CHODL: variants seen among roughly 807,000 people sequenced by gnomAD.
CHODL encodes transmembrane protein MT75.
A neutral mutation model predicts 34.5 loss-of-function variants in CHODL; 29 were observed. The ratio of observed to expected loss-of-function variants is 0.84; its 90% CI spans 0.63 to 1.15. The LOEUF (loss-of-function observed/expected upper bound fraction) is 1.15. Ranked by LOEUF, CHODL falls within the 50% of genes most tolerant of loss-of-function variation. CHODL has a pLI of 0.00. For synonymous variants in CHODL, 125 were observed against 116.1 expected, an observed-to-expected ratio of 1.08 and a Z score of -0.49; for missense variants, 332 against 332.5, an observed-to-expected ratio of 1.00 and a Z score of 0.01.
intron 2 of CHODL, among the ~76,000 whole-genome samples, chr21:18,166,751 G>A (rs766576742): frequency 2.0e-5 from 3 of 151,784 alleles, no homozygotes; most frequent in Non-Finnish European, 4.4e-5. Context: ...GAATTCTTTT[G>A]TACTATAATT....
At chr21:17,982,656 C>T (rs2063722838) in intron 1 of CHODL, among the ~76,000 whole-genome samples, 1 of 145,962 alleles carries the variant, frequency 6.9e-6, no homozygotes, top group African/African-American at 2.5e-5. Context: ...TTAGTATTTA[C>T]AGATAAAGCA....
At chr21:18,249,925 T>C (rs1601202876) in intron 1 of CHODL, among the ~76,000 whole-genome samples, 1 of 152,264 alleles carries the variant, frequency 6.6e-6, no homozygotes, top group East Asian at 1.9e-4. Context: ...CCAGTGCCTG[T>C]AGCTCAAGCT....
intron 2 of CHODL, 62 bp downstream of exon 2, chr21:18,256,880 C>A: frequency 6.3e-7 from 1 of 1,582,860 alleles, no homozygotes; most frequent in Admixed American, 1.7e-5. Flanking sequence ...AGAGGGAGGA[C>A]TCTGTTACCT....
chr21:18,088,201 G>A (rs757310747), intron 2 of CHODL, among the ~76,000 whole-genome samples: 1 of 152,164 alleles, frequency 6.6e-6, no homozygotes, highest in African/African-American at 2.4e-5. Context: ...ACCGGAGAGG[G>A]TGAGGTCTCT....
At chr21:18,223,114 A>G (rs1349336302) in intron 2 of CHODL, among the ~76,000 whole-genome samples, 1 of 152,236 alleles carries the variant, frequency 6.6e-6, no homozygotes, top group Non-Finnish European at 1.5e-5. Context: ...GGAGGTATGT[A>G]ATAACATAAG....
intron 2 of CHODL, among the ~76,000 whole-genome samples, chr21:18,034,876 C>A (rs1388203550): frequency 6.6e-6 from 1 of 151,924 alleles, no homozygotes; most frequent in Non-Finnish European, 1.5e-5. Flanking sequence ...GAGAGAAAGC[C>A]TCAGGCTCGC....
chr21:18,083,659 G>A (rs1035131884), intron 2 of CHODL, among the ~76,000 whole-genome samples: 4 of 152,184 alleles, frequency 2.6e-5, no homozygotes, highest in African/African-American at 9.7e-5. Flanking sequence ...TGGAGTCCAA[G>A]GAGATTATTC....
In CHODL at chr21:18,191,962, G is replaced by GA. The variant is rs1241168727; in HGVS notation, c.-44-64543dup. On this transcript the variant is annotated intron_variant, in intron 2 of 6. Transcript: ENST00000400127. ...TGAGTGTTTAAAAAAGGAAACTTGT[G>GA]AAAATCATGTTGCAAATGAAAGTCT... is the stretch of plus-strand genomic sequence containing the variant. Among the ~76,000 whole-genome samples, 14 of 152,280 alleles carry GA rather than the reference G, an allele frequency of 9.2e-5. No homozygotes were observed. The East Asian group carries it at 2.3e-3, about 25-fold the overall frequency.
chr21:17,994,315 C>T (rs1464583223), intron 1 of CHODL, among the ~76,000 whole-genome samples: 1 of 152,168 alleles, frequency 6.6e-6, no homozygotes, highest in African/African-American at 2.4e-5. Flanking sequence ...TGGGCTGCTA[C>T]TTAGGCCTTC....
At chr21:18,046,390 A>C (rs900324187) in intron 2 of CHODL, among the ~76,000 whole-genome samples, 24 of 151,952 alleles carry the variant, frequency 1.6e-4, no homozygotes, top group Admixed American at 1.4e-3. Context: ...CAACTGAGAG[A>C]TGATGGTGGC....
intron 1 of CHODL, among the ~76,000 whole-genome samples, chr21:17,965,274 A>G (rs183645637): frequency 4.1e-4 from 62 of 152,290 alleles, no homozygotes; most frequent in African/African-American, 1.4e-3. Flanking sequence ...AAGTCTTCCA[A>G]TGGTGTATTG....
intron 1 of CHODL, among the ~76,000 whole-genome samples, chr21:17,986,208 C>G (rs1464843865): frequency 6.6e-6 from 1 of 150,596 alleles, no homozygotes; most frequent in East Asian, 1.9e-4. Flanking sequence ...GTTACATGTG[C>G]AGAAACTGCA....
Position 18,127,672 on chromosome 21 carries a change from GTTTTTTTTTTTTTTTTTT to G in CHODL, c.-45+99713_-45+99730del, listed in dbSNP as rs71318127. On this transcript the variant is annotated intron_variant, in intron 2 of 6. Transcript: ENST00000400127. Reference sequence around the variant, plus strand: ...TTACATAACCAGTTGCGTTGCCATTGTTTTTTTTTTTTTTTTTTTTTTTTTTTTTAGCTTAAAACAGCA... The same window carrying G: ...TTACATAACCAGTTGCGTTGCCATTGTTTTTTTTTTTAGCTTAAAACAGCA... 5.7e-5 allele frequency among the ~76,000 whole-genome samples: 4 copies of G among 70,044 alleles called. No homozygotes were observed. In the Admixed American group the frequency reaches 7.7e-4, roughly 13 times the overall value. The allele number at this position is 70,044 out of a possible 152,430, so 46.0% of individuals were successfully genotyped here. A position where few individuals can be genotyped will look rare whatever the true frequency, so the allele number is the denominator to read the frequency against.
intron 2 of CHODL, among the ~76,000 whole-genome samples, chr21:18,090,350 G>A (rs2065057433): frequency 6.6e-6 from 1 of 152,138 alleles, no homozygotes; most frequent in Admixed American, 6.5e-5. Context: ...TATTTATAGT[G>A]GATCCAAGAG....
At chr21:18,100,330 G>A (rs1366586601) in intron 2 of CHODL, among the ~76,000 whole-genome samples, 1 of 150,354 alleles carries the variant, frequency 6.7e-6, no homozygotes, top group Non-Finnish European at 1.5e-5. Context: ...TAGACAGGAT[G>A]ATAATGTCTT....
At chr21:18,137,714 A>T (rs55712976) in intron 2 of CHODL, among the ~76,000 whole-genome samples, 2,107 of 152,294 alleles carry the variant, frequency 0.014, 18 homozygotes, top group Non-Finnish European at 0.023. Context: ...TTTATTTTTT[A>T]AAAATAACAA....
At chr21:18,118,787 T>C (rs1267553683) in intron 2 of CHODL, among the ~76,000 whole-genome samples, 1 of 152,220 alleles carries the variant, frequency 6.6e-6, no homozygotes, top group Non-Finnish European at 1.5e-5. Flanking sequence ...ATAGCTCTTC[T>C]GTCTTGAAAG....
intron 2 of CHODL, among the ~76,000 whole-genome samples, chr21:18,034,083 C>T (rs2064280414): frequency 6.6e-6 from 1 of 151,870 alleles, no homozygotes; most frequent in African/African-American, 2.4e-5. Context: ...CAAGCTTGCC[C>T]ACTGTTTCTC....
At position 17,933,873 on chromosome 21, in the gene CHODL, T is replaced by C. The variant is rs563199223; in HGVS notation, c.-145+16473T>C. 4.6e-5 allele frequency among the ~76,000 whole-genome samples: 7 copies of C among 152,040 alleles called. No homozygotes were observed. In the East Asian group the frequency reaches 1.4e-3, roughly 29 times the overall value. Reference sequence around the variant, plus strand: ...GGCCAACATGGTGAAATCCCATCTCTACTAAAAATACAAAAATTAGCTGGG... The same window carrying C: ...GGCCAACATGGTGAAATCCCATCTCCACTAAAAATACAAAAATTAGCTGGG... On this transcript the variant is annotated intron_variant, in intron 1 of 6. Transcript: ENST00000400127.
Sources: allele counts gnomAD v4.1 joint callset (sites outside exome capture counted in the v4.1 genomes callset), GRCh38; gene constraint gnomAD v4.1.1; transcripts MANE v1.5; gene names NCBI Gene and HGNC (gene_info 2026-07-23, HGNC 2026-07-21).